Variants in PDE1A observed in about 807,000 individuals in gnomAD.
PDE1A encodes dual specificity calcium/calmodulin-dependent 3',5'-cyclic nucleotide phosphodiesterase 1A.
A neutral mutation model predicts 61.7 loss-of-function variants in PDE1A; 35 were observed. The observed-to-expected ratio is 0.57, with a 90% CI of 0.43 to 0.75. PDE1A has a LOEUF of 0.75. Among genes scored for constraint, PDE1A ranks in the 30% least tolerant of loss-of-function variants. The pLI, the probability that PDE1A is intolerant of heterozygous loss-of-function variation, is 0.00. For synonymous variants in PDE1A, 232 were observed against 213.2 expected (o/e 1.09, Z -0.77); for missense variants, 597 against 630.6 (o/e 0.95, Z 0.57).
At chr2:182,199,950 A>G (rs1686477473) in intron 10 of PDE1A, among the ~76,000 whole-genome samples, 1 of 152,114 alleles carries the variant, frequency 6.6e-6, no homozygotes. Flanking sequence ...ATTAATGAAC[A>G]AACTTTCAAA....
rs1690300501 is a variant in PDE1A at position 182,239,176 on chromosome 2, T to A, written c.350+934A>T. Among the ~76,000 whole-genome samples, 6 of 152,302 alleles carry A rather than the reference T, an allele frequency of 3.9e-5. No homozygotes were observed. The South Asian group carries it at 1.2e-3, about 32-fold the overall frequency. ...CCACTGTCCCTTTAGCAGAAAAAAA[T>A]TCAAGTTTGTAATATTGATTAACGG... is the stretch of plus-strand genomic sequence containing the variant. On this transcript the variant is annotated intron_variant, in intron 3 of 13. Transcript: ENST00000351439.
intron 2 of PDE1A, among the ~76,000 whole-genome samples, chr2:182,475,785 C>T (rs1687318788): frequency 6.6e-6 from 1 of 151,876 alleles, no homozygotes; most frequent in Admixed American, 6.6e-5. Context: ...GCCATATACT[C>T]AGCAAAAAGT....
chr2:182,155,912 C>T (rs1261395942), intron 13 of PDE1A, among the ~76,000 whole-genome samples: 1 of 152,024 alleles, frequency 6.6e-6, no homozygotes, highest in East Asian at 1.9e-4. Flanking sequence ...ATAATCCCCA[C>T]AGCTCAAGGG....
chr2:182,221,907 C>T (rs1420358643), intron 7 of PDE1A, among the ~76,000 whole-genome samples: 1 of 151,992 alleles, frequency 6.6e-6, no homozygotes, highest in East Asian at 1.9e-4. Context: ...GGATATCAGA[C>T]CAGATGATCT....
chr2:182,495,744 C>T (rs548163045), intron 2 of PDE1A, among the ~76,000 whole-genome samples: 35 of 152,268 alleles, frequency 2.3e-4, no homozygotes, highest in African/African-American at 7.2e-4. Flanking sequence ...GAGTTTGAGA[C>T]GCCTGTCCTA....
chr2:182,265,408 A>G (rs922452572), intron 1 of PDE1A, among the ~76,000 whole-genome samples: 2 of 152,154 alleles, frequency 1.3e-5, no homozygotes, highest in African/African-American at 4.8e-5. Flanking sequence ...TTAAAAGTTA[A>G]TTGAGACAAG....
the PDE1A span, chr2:182,716,206 C>T: frequency 6.6e-6 from 1 of 152,406 alleles, no homozygotes; most frequent in Non-Finnish European, 1.5e-5. Context: ...GCGGGTCTCC[C>T]CAGGCAGCGT....
intron 13 of PDE1A, chr2:182,185,667 T>C (rs1685139169): frequency 1.5e-6 from 1 of 686,430 alleles, no homozygotes; most frequent in Non-Finnish European, 2.3e-6. Context: ...CAGCACCCAC[T>C]GACACACAGA....
At chr2:182,462,530 G>C (rs1686375288) in intron 2 of PDE1A, among the ~76,000 whole-genome samples, 1 of 151,996 alleles carries the variant, frequency 6.6e-6, no homozygotes, top group South Asian at 2.1e-4. Flanking sequence ...CTCATTCTGT[G>C]CATGAAGAAG....
At chr2:182,415,933 T>C (rs971141482) in intron 1 of PDE1A, among the ~76,000 whole-genome samples, 4 of 152,270 alleles carry the variant, frequency 2.6e-5, no homozygotes, top group African/African-American at 9.6e-5. Context: ...ATGCCTGGCC[T>C]GGCATGCACA....
intron 11 of PDE1A, among the ~76,000 whole-genome samples, chr2:182,187,862 G>T (rs192637936): frequency 6.7e-6 from 1 of 148,480 alleles, no homozygotes; most frequent in African/African-American, 2.5e-5. Context: ...CTCATGCCTC[G>T]GCCTCCCGAG....
intron 1 of PDE1A, among the ~76,000 whole-genome samples, chr2:182,364,617 A>G (rs1275123606): frequency 2.0e-5 from 3 of 151,628 alleles, no homozygotes; most frequent in Non-Finnish European, 2.9e-5. Flanking sequence ...TCAACTTCCA[A>G]TGCATCCTTC....
At chr2:182,310,525 C>T (rs1235008028) in intron 1 of PDE1A, among the ~76,000 whole-genome samples, 4 of 152,080 alleles carry the variant, frequency 2.6e-5, no homozygotes, top group Admixed American at 2.6e-4. Context: ...GATAGTTTGA[C>T]TATATTACAC....
intron 1 of PDE1A, among the ~76,000 whole-genome samples, chr2:182,314,813 T>A (rs200735630): frequency 6.5e-5 from 1 of 15,288 alleles, no homozygotes; most frequent in Non-Finnish European, 2.3e-4. Context: ...AATGTATACT[T>A]TTTATGCATG....
intron 8 of PDE1A, among the ~76,000 whole-genome samples, chr2:182,202,625 C>G (rs1196407801): frequency 6.6e-6 from 1 of 152,128 alleles, no homozygotes; most frequent in African/African-American, 2.4e-5. Flanking sequence ...TGCCAAGCTT[C>G]CATCATAAGA....
the PDE1A span, among the ~76,000 whole-genome samples, chr2:182,573,955 A>T: frequency 8.2e-6 from 1 of 122,078 alleles, no homozygotes; most frequent in Non-Finnish European, 1.6e-5. Flanking sequence ...TATTATATAT[A>T]TTTATATATT....
chr2:182,438,880 T>G lies in PDE1A; in HGVS notation c.101+83396A>C, dbSNP rs188076212. Among the ~76,000 whole-genome samples the G allele has an allele frequency of 3.2e-4, 49 of 152,050 alleles. 1 individual carries two copies. The highest frequency in any genetic ancestry group is 1.1e-3 in the African/African-American group (44 of 41,520). ...AGTTTTGGAAGATGTCACTGAACAA[T>G]GTAGAAAATATTTTTTAGGATTACA... On this transcript the variant is annotated intron_variant, in intron 2 of 14. Transcript: ENST00000410103.
chr2:182,308,818 C>G (rs1258926285), intron 1 of PDE1A, among the ~76,000 whole-genome samples: 1 of 151,978 alleles, frequency 6.6e-6, no homozygotes, highest in African/African-American at 2.4e-5. Context: ...TAAAGTGCAG[C>G]GTGCAACCTA....
chr2:182,358,191 G>A (rs1239943424), intron 1 of PDE1A, among the ~76,000 whole-genome samples: 1 of 152,042 alleles, frequency 6.6e-6, no homozygotes, highest in African/African-American at 2.4e-5. Context: ...GCTTCATAGT[G>A]TTCGTATGTT....
Sources: allele counts gnomAD v4.1 joint callset (sites outside exome capture counted in the v4.1 genomes callset), GRCh38; gene constraint gnomAD v4.1.1; transcripts MANE v1.5; gene names NCBI Gene and HGNC (gene_info 2026-07-23, HGNC 2026-07-21).